C1QTNF7: variants seen among roughly 807,000 people sequenced by gnomAD.
C1QTNF7 encodes complement C1q tumor necrosis factor-related protein 7.
Under a neutral mutation model 19.6 loss-of-function variants are expected in C1QTNF7, and 15 were observed. That is an observed-to-expected ratio of 0.76 (90% CI 0.51 to 1.18). The LOEUF (loss-of-function observed/expected upper bound fraction) is 1.18. Among genes scored for constraint, C1QTNF7 ranks in the 50% most tolerant of loss-of-function variants. C1QTNF7 has a pLI of 0.00. For missense variants in C1QTNF7, 324 were observed against 359.7 expected, an observed-to-expected ratio of 0.90 and a Z score of 0.80; for synonymous variants, 142 against 137.5, an observed-to-expected ratio of 1.03 and a Z score of -0.23.
At chr4:15,371,117 A>G (rs942914906) in intron 1 of C1QTNF7, among the ~76,000 whole-genome samples, 3 of 152,244 alleles carry the variant, frequency 2.0e-5, no homozygotes, top group Non-Finnish European at 4.4e-5. Context: ...ATGAACAGGC[A>G]GCTCCATCCT....
rs1712857264 is a variant in C1QTNF7, at chr4:15,443,196, AG to A, written c.*399del. The A allele has an allele frequency of 6.4e-6, 1 of 156,396 alleles. No homozygotes were observed. The highest frequency in any genetic ancestry group is 6.3e-5 in the Admixed American group (1 of 15,774). 9.7% of individuals were successfully genotyped at this position (156,396 alleles called of 1,614,324 possible). A position where few individuals can be genotyped will look rare whatever the true frequency, so the allele number is the denominator to read the frequency against. ...CCCAAAATCTTTGACAATTCTCGAA[AG>A]GCTATATAGTAAGTCAAAAACCAAA... On this transcript the variant is annotated 3_prime_UTR_variant, in exon 3 of 3. Coordinates refer to ENST00000444304, the MANE Select transcript of C1QTNF7 (RefSeq NM_031911.5).
intron 1 of C1QTNF7, among the ~76,000 whole-genome samples, chr4:15,382,986 C>T (rs146466454): frequency 6.6e-4 from 101 of 152,320 alleles, no homozygotes; most frequent in Admixed American, 2.6e-3. Flanking sequence ...AATCCCTGCC[C>T]TCTTACAGAA....
intron 1 of C1QTNF7, among the ~76,000 whole-genome samples, chr4:15,352,883 A>C (rs1424764853): frequency 6.6e-6 from 1 of 152,122 alleles, no homozygotes; most frequent in Non-Finnish European, 1.5e-5. Flanking sequence ...AAATCTCTAC[A>C]TCCTTGATTA....
chr4:15,384,425 C>T (rs924311821), intron 1 of C1QTNF7, among the ~76,000 whole-genome samples: 6 of 151,892 alleles, frequency 4.0e-5, no homozygotes, highest in Admixed American at 1.3e-4. Context: ...TTATTTTAAA[C>T]CCTAAACTAT....
chr4:15,384,818 C>G (rs1718271717), intron 1 of C1QTNF7, among the ~76,000 whole-genome samples: 1 of 152,168 alleles, frequency 6.6e-6, no homozygotes, highest in African/African-American at 2.4e-5. Context: ...GGGGAGGCAG[C>G]TGGCAGGCAG....
At chr4:15,414,211 T>A (rs908288018) in intron 1 of C1QTNF7, among the ~76,000 whole-genome samples, 1 of 152,236 alleles carries the variant, frequency 6.6e-6, no homozygotes. Context: ...CATTTATTAT[T>A]TTAAAAATTC....
intron 1 of C1QTNF7, among the ~76,000 whole-genome samples, chr4:15,413,905 G>C (rs1038279403): frequency 6.6e-6 from 1 of 152,222 alleles, no homozygotes; most frequent in Non-Finnish European, 1.5e-5. Flanking sequence ...TAACTGGAGA[G>C]AGCAACCTAG....
rs777431823 is a variant in C1QTNF7, at chr4:15,444,250, T to C, written c.*1451T>C. The C allele has an allele frequency of 2.0e-5, 3 of 152,096 alleles. No individual in the cohort carries two copies. Among genetic ancestry groups the C allele is most frequent in the Non-Finnish European group, 2.9e-5 (2 of 68,018 alleles). The allele number at this position is 152,096 out of a possible 1,614,324, so 9.4% of individuals were successfully genotyped here. On this transcript the variant is annotated 3_prime_UTR_variant, in exon 3 of 3. Transcript: ENST00000444304. ...GCTAGATTCTGTGAAGACAGAAGAG[T>C]ATCAAGATTAATATATTAATAGTAT...
At chr4:15,341,843 G>A (rs1276305994) in intron 1 of C1QTNF7, among the ~76,000 whole-genome samples, 1 of 152,204 alleles carries the variant, frequency 6.6e-6, no homozygotes, top group Non-Finnish European at 1.5e-5. Flanking sequence ...GCGCCTGAGT[G>A]CACCCTGGGG....
rs546271535 is a variant in C1QTNF7 at position 15,361,969 on chromosome 4, C to G, written c.13+21762C>G. Among the ~76,000 whole-genome samples the G allele has an allele frequency of 5.3e-5, 8 of 152,238 alleles. No homozygotes were observed. The East Asian group carries it at 1.5e-3, about 29-fold the overall frequency. On this transcript the variant is annotated intron_variant, in intron 1 of 2. Transcript: ENST00000295297. Reference sequence around the variant, plus strand: ...TGTCTGACATATGTTCTGCTGCATTCCTCCCCTCGAGGGGCAAAAGAGCAT... The same window carrying G: ...TGTCTGACATATGTTCTGCTGCATTGCTCCCCTCGAGGGGCAAAAGAGCAT...
chr4:15,384,244 G>A (rs1686845189), intron 1 of C1QTNF7, among the ~76,000 whole-genome samples: 2 of 152,190 alleles, frequency 1.3e-5, no homozygotes, highest in South Asian at 4.1e-4. Context: ...TCCCAGGCCA[G>A]TGCTTGTCAT....
At chr4:15,434,741 T>C (rs1712461558) in intron 1 of C1QTNF7, among the ~76,000 whole-genome samples, 1 of 152,170 alleles carries the variant, frequency 6.6e-6, no homozygotes. Context: ...TTCTAGGCTT[T>C]ATGGGGGAGT....
rs1426259987 is a variant in C1QTNF7, at chr4:15,435,759, T to C, written c.16T>C (p.Tyr6His). Residue 6 changes from tyrosine (Y) to histidine (H), a missense_variant, in exon 2 of 3, where the codon TAT becomes CAT. Tyr to His is a moderately conservative substitution (Grantham distance 83). Coordinates refer to ENST00000444304, the MANE Select transcript of C1QTNF7 (RefSeq NM_031911.5). MFVLL[Y>H]VTSFAICASG... Reference sequence around the variant, plus strand: ...AGAGCCAAAGATGTTTGTCTTGCTCTATGTTACAAGTTTTGCCATTTGTGC... The same window carrying C: ...AGAGCCAAAGATGTTTGTCTTGCTCCATGTTACAAGTTTTGCCATTTGTGC... 8 of 1,614,086 alleles carry C rather than the reference T, an allele frequency of 5.0e-6. No homozygotes were observed. The highest frequency in any genetic ancestry group is 6.8e-6 in the Non-Finnish European group (8 of 1,180,032).
chr4:15,376,623 G>C (rs1376606922), intron 1 of C1QTNF7, among the ~76,000 whole-genome samples: 1 of 152,200 alleles, frequency 6.6e-6, no homozygotes, highest in Non-Finnish European at 1.5e-5. Context: ...AGGTTTACTT[G>C]CCTACAATTA....
chr4:15,442,520 T>C lies in C1QTNF7; in HGVS notation c.591T>C (p.Tyr197=), dbSNP rs1457287288. 1 of 1,614,108 alleles carries C rather than the reference T, an allele frequency of 6.2e-7. No homozygotes were observed. The highest frequency in any genetic ancestry group is 8.5e-7 in the Non-Finnish European group (1 of 1,180,050). ...TCCCAGGGATCTATTACTTTTCTTA[T>C]GATATCACATTGGCTAATAAGCATC... ...CAFPGIYYFS[Y]DITLANKHLA... is the part of the protein sequence containing the mutation. Residue 197 remains tyrosine (Y), a synonymous_variant, in exon 3 of 3, where the codon TAT becomes TAC. Coordinates refer to ENST00000444304, the MANE Select transcript of C1QTNF7 (RefSeq NM_031911.5).
At chr4:15,351,765 A>G (rs967660229) in intron 1 of C1QTNF7, among the ~76,000 whole-genome samples, 1 of 152,226 alleles carries the variant, frequency 6.6e-6, no homozygotes, top group African/African-American at 2.4e-5. Flanking sequence ...ATGAGGCTGC[A>G]TGCTGTGTGC....
At position 15,435,945 on chromosome 4, in the gene C1QTNF7, G is replaced by C; in HGVS notation, c.202G>C (p.Gly68Arg). 6.2e-7 allele frequency: 1 copy of C among 1,613,972 alleles called. No individual in the cohort carries two copies. Among genetic ancestry groups the C allele is most frequent in the Non-Finnish European group, 8.5e-7 (1 of 1,179,956 alleles). The change falls in exon 2 of 3, where the codon GGC (glycine) becomes CGC (arginine). Residue 68 changes from glycine to arginine, a missense_variant. Gly to Arg is a moderately radical substitution (Grantham distance 125, BLOSUM62 -2). Coordinates refer to ENST00000444304, the MANE Select transcript of C1QTNF7 (RefSeq NM_031911.5). ...IGLPGRDGRD[G>R]RKGEKGEKGT... ...CCTTCCAGGAAGAGATGGTAGAGAC[G>C]GCAGGAAAGGAGAGAAAGGTGAAAA...
At chr4:15,402,733 T>C (rs978859934) in intron 1 of C1QTNF7, among the ~76,000 whole-genome samples, 1 of 152,252 alleles carries the variant, frequency 6.6e-6, no homozygotes, top group African/African-American at 2.4e-5. Flanking sequence ...CATCTAACCT[T>C]AGAAATATCT....
intron 1 of C1QTNF7, among the ~76,000 whole-genome samples, chr4:15,387,222 T>C (rs1232621865): frequency 2.6e-5 from 4 of 152,062 alleles, no homozygotes; most frequent in Non-Finnish European, 5.9e-5. Context: ...GACGAGGAAG[T>C]GTGTGGGGGA....
Sources: gnomAD v4.1 joint callset for allele counts (sites outside exome capture counted in the v4.1 genomes callset) on GRCh38, gnomAD v4.1.1 for gene constraint, MANE v1.5 for transcripts, NCBI Gene and HGNC (gene_info 2026-07-23, HGNC 2026-07-21) for gene names.